Variants in COL24A1 observed in about 807,000 individuals in gnomAD.
The protein encoded by COL24A1 is collagen alpha-1(XXIV) chain.
In COL24A1, 224 loss-of-function variants were observed where a neutral mutation model predicts 253.9. The ratio of observed to expected loss-of-function variants is 0.88; its 90% CI spans 0.79 to 0.99. COL24A1 has a LOEUF of 0.99. Among genes scored for constraint, COL24A1 ranks in the 50% least tolerant of loss-of-function variants. COL24A1 has a pLI of 0.00. For missense variants in COL24A1, 2,131 were observed against 2,068.5 expected, an observed-to-expected ratio of 1.03 and a Z score of -0.59; for synonymous variants, 685 against 673.7, an observed-to-expected ratio of 1.02 and a Z score of -0.26.
chr1:85,762,969 T>A (rs1304172674), intron 53 of COL24A1, among the ~76,000 whole-genome samples: 1 of 152,208 alleles, frequency 6.6e-6, no homozygotes, highest in Non-Finnish European at 1.5e-5. Context: ...CCCACCAGGA[T>A]AGGGCAGGGC....
chr1:86,017,273 C>G, intron 18 of COL24A1, 69 bp from the exon 19 acceptor site: 3 of 1,310,838 alleles, frequency 2.3e-6, no homozygotes, highest in South Asian at 2.8e-5. Context: ...AAGAAACAGG[C>G]ATATGGTAAA....
chr1:85,772,800 T>C (rs917826030), intron 53 of COL24A1, among the ~76,000 whole-genome samples: 1 of 152,212 alleles, frequency 6.6e-6, no homozygotes, highest in Admixed American at 6.5e-5. Context: ...CTGCAAAAAT[T>C]TTCTACCATT....
chr1:86,121,486 G>A (rs188032281), intron 3 of COL24A1, among the ~76,000 whole-genome samples: 2 of 152,172 alleles, frequency 1.3e-5, no homozygotes, highest in Admixed American at 6.6e-5. Flanking sequence ...TTCAAAGAAT[G>A]TCAAGATGAC....
chr1:86,151,418 A>G (rs1171371987), intron 1 of COL24A1, among the ~76,000 whole-genome samples: 1 of 152,164 alleles, frequency 6.6e-6, no homozygotes, highest in Admixed American at 6.5e-5. Context: ...AAATAAATCA[A>G]CAATATGGTA....
At chr1:86,090,471 G>T (rs973378769) in intron 6 of COL24A1, among the ~76,000 whole-genome samples, 3 of 152,148 alleles carry the variant, frequency 2.0e-5, no homozygotes, top group African/African-American at 7.2e-5. Context: ...ATGTTACATG[G>T]TGAAGTACTA....
intron 5 of COL24A1, among the ~76,000 whole-genome samples, chr1:86,103,360 C>T (rs995267964): frequency 2.6e-5 from 4 of 152,156 alleles, no homozygotes; most frequent in African/African-American, 9.7e-5. Context: ...TTCATTGAGA[C>T]ATTTAGCCTG....
chr1:85,870,306 A>C (rs1465862753), intron 35 of COL24A1, among the ~76,000 whole-genome samples: 2 of 152,192 alleles, frequency 1.3e-5, no homozygotes, highest in Non-Finnish European at 2.9e-5. Flanking sequence ...AAAGTTAACA[A>C]GGATATCCAG....
At chr1:85,948,523 C>CAAAAAAAAAAAAAAAA in intron 24 of COL24A1, among the ~76,000 whole-genome samples, 1 of 63,610 alleles carries the variant, frequency 1.6e-5, no homozygotes, top group South Asian at 5.6e-4. Flanking sequence ...GACTCCGTCT[C>CAAAAAAAAAAAAAAAA]AAAAAAAAAA....
chr1:85,733,164 T>C (rs1663684941), intron 59 of COL24A1, among the ~76,000 whole-genome samples: 1 of 152,124 alleles, frequency 6.6e-6, no homozygotes, highest in East Asian at 1.9e-4. Context: ...TTCCTGGAAA[T>C]AAAATGTTAT....
At chr1:86,110,906 C>A (rs1469678704) in intron 5 of COL24A1, among the ~76,000 whole-genome samples, 3 of 151,972 alleles carry the variant, frequency 2.0e-5, no homozygotes, top group Admixed American at 6.5e-5. Flanking sequence ...CTGGTCCCAT[C>A]GACTGCCCAA....
At chr1:86,086,310 C>T (rs1231104179) in intron 7 of COL24A1, among the ~76,000 whole-genome samples, 1 of 152,100 alleles carries the variant, frequency 6.6e-6, no homozygotes, top group East Asian at 1.9e-4. Context: ...GTAACAGACC[C>T]ATAGCCCCAA....
At chr1:85,908,467 G>T in intron 27 of COL24A1, 131 bp downstream of exon 27, 1 of 509,662 alleles carries the variant, frequency 2.0e-6, no homozygotes, top group Non-Finnish European at 3.5e-6. Context: ...GTATAGTTGG[G>T]AGAGAAGCAG....
At chr1:86,036,356 A>T (rs1699021853) in intron 12 of COL24A1, among the ~76,000 whole-genome samples, 1 of 152,138 alleles carries the variant, frequency 6.6e-6, no homozygotes, top group Non-Finnish European at 1.5e-5. Context: ...TATTCTTGAT[A>T]GAGATAATTT....
chr1:86,154,445 C>T (rs530377871), intron 1 of COL24A1: 1 of 152,748 alleles, frequency 6.5e-6, no homozygotes, highest in African/African-American at 2.4e-5. Flanking sequence ...CACCTTCATC[C>T]AGAACCTGCT....
At chr1:86,098,610 T>G (rs1045763075) in intron 5 of COL24A1, among the ~76,000 whole-genome samples, 3 of 152,126 alleles carry the variant, frequency 2.0e-5, no homozygotes, top group African/African-American at 7.2e-5. Context: ...CCATTGACAT[T>G]CAGGAAGGGC....
Position 86,124,926 on chromosome 1 carries a change from A to C in COL24A1, c.1410T>G (p.Tyr470Ter), listed in dbSNP as rs747083142. The C allele has an allele frequency of 6.2e-7, 1 of 1,612,274 alleles. No individual in the cohort carries two copies. The highest frequency in any genetic ancestry group is 8.5e-7 in the Non-Finnish European group (1 of 1,179,390). ...PIENSYETELYDYYYYEDLNT... is the reference protein window; with the variant it reads ...PIENSYETEL ...TTAGATCCTCATAATAATAATAATCATAAAGCTCAGTTTCATAGCTATTTT... is the reference window on the plus strand; with the variant it reads ...TTAGATCCTCATAATAATAATAATCCTAAAGCTCAGTTTCATAGCTATTTT... Residue 470 changes from tyrosine (Y) to a stop codon, truncating the protein, a stop_gained, in exon 3 of 60, where the codon TAT becomes TAG. Coordinates refer to ENST00000370571, the MANE Select transcript of COL24A1 (RefSeq NM_152890.7). LOFTEE classifies it high-confidence loss of function.
At chr1:85,783,598 C>CA in intron 50 of COL24A1, 40 bp from the exon 51 acceptor site, 1 of 1,555,294 alleles carries the variant, frequency 6.4e-7, no homozygotes, top group Non-Finnish European at 8.9e-7. Context: ...AAATTTGTAG[C>CA]TCTATATGAA....
intron 43 of COL24A1, among the ~76,000 whole-genome samples, chr1:85,833,353 A>T (rs1570826481): frequency 1.3e-5 from 2 of 152,338 alleles, no homozygotes; most frequent in African/African-American, 4.8e-5. Context: ...CAGCCAAAAA[A>T]CACATGACAA....
chr1:86,077,956 C>T (rs1289271372), intron 7 of COL24A1, among the ~76,000 whole-genome samples: 1 of 151,974 alleles, frequency 6.6e-6, no homozygotes, highest in Non-Finnish European at 1.5e-5. Context: ...ACATTCTGCA[C>T]ATGTATCACA....
Sources: allele counts gnomAD v4.1 joint callset (sites outside exome capture counted in the v4.1 genomes callset), GRCh38; gene constraint gnomAD v4.1.1; transcripts MANE v1.5; gene names NCBI Gene and HGNC (gene_info 2026-07-23, HGNC 2026-07-21).